The following IPMK variants were observed in gnomAD, a reference collection of about 807,000 sequenced individuals.
The protein encoded by IPMK is inositol polyphosphate multikinase.
Under a neutral mutation model 45.8 loss-of-function variants are expected in IPMK, and 17 were observed. The ratio of observed to expected loss-of-function variants is 0.37; its 90% CI spans 0.25 to 0.56. The LOEUF (loss-of-function observed/expected upper bound fraction) is 0.56, where lower values mean the gene tolerates loss of function less well. Ranked by LOEUF, IPMK falls within the 20% of genes least tolerant of loss-of-function variation. The pLI is 0.79. For missense variants in IPMK, 399 were observed against 498.0 expected (o/e 0.80, Z 1.89); for synonymous variants, 180 against 184.3 (o/e 0.98, Z 0.19).
In IPMK at chr10:58,259,724, C is replaced by T. The variant is rs955083245; in HGVS notation, c.190+7698G>A. On this transcript the variant is annotated intron_variant, in intron 1 of 5. Coordinates refer to ENST00000373935, the MANE Select transcript of IPMK (RefSeq NM_152230.5). ...GCATGGTGGTGCATGCCTATAGTCC[C>T]GGCTACTCAGGAGGCTTCGGTGGGA... is the stretch of plus-strand genomic sequence containing the variant. Among the ~76,000 whole-genome samples the T allele has an allele frequency of 5.4e-5, 8 of 147,808 alleles. No homozygotes were observed. The South Asian group carries it at 1.3e-3, about 24-fold the overall frequency.
intron 4 of IPMK, among the ~76,000 whole-genome samples, chr10:58,215,270 C>A (rs1025885601): frequency 6.6e-5 from 10 of 152,142 alleles, no homozygotes; most frequent in African/African-American, 2.4e-4. Context: ...AGAAGGAACC[C>A]TAAATAAGAT....
At chr10:58,252,891 C>T (rs1301361624) in intron 1 of IPMK, among the ~76,000 whole-genome samples, 1 of 152,066 alleles carries the variant, frequency 6.6e-6, no homozygotes, top group Non-Finnish European at 1.5e-5. Context: ...GGATTACAGG[C>T]ATGAGCCACT....
intron 1 of IPMK, among the ~76,000 whole-genome samples, chr10:58,265,494 A>G (rs890493131): frequency 6.6e-6 from 1 of 152,190 alleles, no homozygotes; most frequent in Non-Finnish European, 1.5e-5. Flanking sequence ...TCCATTTTAC[A>G]AATAGGGAAT....
chr10:58,233,097 T>C (rs1192823748), intron 2 of IPMK, among the ~76,000 whole-genome samples: 1 of 152,156 alleles, frequency 6.6e-6, no homozygotes, highest in Non-Finnish European at 1.5e-5. Flanking sequence ...CATGGACATA[T>C]ACACCCTGCT....
Position 58,216,308 on chromosome 10 carries a change from A to G in IPMK, c.383T>C (p.Leu128Pro). The change falls in exon 4 of 6, where the codon CTA becomes CCA. Residue 128 changes from leucine to proline, a missense_variant. Physicochemically the swap from Leu to Pro is moderately conservative, Grantham distance 98. Transcript: ENST00000373935. The part of the protein sequence containing the change: ...SPPTAPNDLY[L>P]KLEDVTHKFN... ...TTTATGGGTCACATCTTCCAGTTTTAGGTATAAATCTGTTATTAAAGAAAA... is the reference window on the plus strand; with the variant it reads ...TTTATGGGTCACATCTTCCAGTTTTGGGTATAAATCTGTTATTAAAGAAAA... The G allele has an allele frequency of 6.5e-7, 1 of 1,537,746 alleles. No individual in the cohort carries two copies. The highest frequency in any genetic ancestry group is 8.8e-7 in the Non-Finnish European group (1 of 1,132,480).
intron 2 of IPMK, among the ~76,000 whole-genome samples, chr10:58,233,678 AAG>A (rs1838562537): frequency 6.6e-6 from 1 of 152,184 alleles, no homozygotes; most frequent in African/African-American, 2.4e-5. Context: ...TCAAAATAAT[AAG>A]AGCTATTTAT....
At chr10:58,252,848 G>A (rs957080761) in intron 1 of IPMK, among the ~76,000 whole-genome samples, 2 of 151,920 alleles carry the variant, frequency 1.3e-5, no homozygotes, top group Admixed American at 1.3e-4. Flanking sequence ...CTGACTTCAG[G>A]TGATCCACCC....
chr10:58,258,459 T>C (rs1839007151), intron 1 of IPMK, among the ~76,000 whole-genome samples: 1 of 152,126 alleles, frequency 6.6e-6, no homozygotes, highest in Non-Finnish European at 1.5e-5. Context: ...TTTACCAAGA[T>C]TGAGTATGTG....
At chr10:58,255,248 T>C (rs769260618) in intron 1 of IPMK, among the ~76,000 whole-genome samples, 10 of 152,210 alleles carry the variant, frequency 6.6e-5, no homozygotes, top group Non-Finnish European at 1.3e-4. Context: ...TACACTCCAG[T>C]TGGTTCAGCC....
intron 1 of IPMK, among the ~76,000 whole-genome samples, chr10:58,242,717 C>A (rs1226576323): frequency 6.6e-6 from 1 of 152,020 alleles, no homozygotes; most frequent in Non-Finnish European, 1.5e-5. Context: ...GAAAGCATCC[C>A]AGATCTATAG....
At chr10:58,247,234 G>C (rs1243550135) in intron 1 of IPMK, among the ~76,000 whole-genome samples, 2 of 149,234 alleles carry the variant, frequency 1.3e-5, no homozygotes, top group East Asian at 1.9e-4. Flanking sequence ...AACCATTGTG[G>C]AAGTCAGTGT....
At chr10:58,219,081 C>T (rs1355762751) in intron 3 of IPMK, among the ~76,000 whole-genome samples, 1 of 152,170 alleles carries the variant, frequency 6.6e-6, no homozygotes, top group Non-Finnish European at 1.5e-5. Flanking sequence ...TCTTATGTTT[C>T]ATATGGTTGG....
intron 1 of IPMK, among the ~76,000 whole-genome samples, chr10:58,262,107 T>C (rs1396648466): frequency 2.6e-5 from 4 of 151,230 alleles, no homozygotes; most frequent in African/African-American, 9.7e-5. Context: ...GTTGGGGGGA[T>C]GGGGGAGGGA....
intron 1 of IPMK, among the ~76,000 whole-genome samples, chr10:58,245,336 G>C (rs976482680): frequency 6.6e-6 from 1 of 151,976 alleles, no homozygotes. Context: ...AAGTAGGCTA[G>C]AAAATAATGG....
At chr10:58,240,512 G>A (rs560058513) in intron 1 of IPMK, among the ~76,000 whole-genome samples, 140 of 152,052 alleles carry the variant, frequency 9.2e-4, no homozygotes, top group Middle Eastern at 3.4e-3. Context: ...TTCCACCTAG[G>A]ATATAGAAAG....
intron 1 of IPMK, among the ~76,000 whole-genome samples, chr10:58,266,936 C>T (rs950086454): frequency 1.3e-5 from 2 of 152,152 alleles, no homozygotes; most frequent in African/African-American, 2.4e-5. Flanking sequence ...CTCACCTCCC[C>T]CTAAAAAAGC....
chr10:58,206,605 C>A (rs764637045), intron 4 of IPMK, among the ~76,000 whole-genome samples: 2 of 152,110 alleles, frequency 1.3e-5, no homozygotes, highest in Non-Finnish European at 2.9e-5. Context: ...AAAGGTAATG[C>A]AAACCCAAAG....
chr10:58,236,103 T>C (rs966369885), intron 2 of IPMK, among the ~76,000 whole-genome samples: 1 of 151,660 alleles, frequency 6.6e-6, no homozygotes, highest in African/African-American at 2.4e-5. Context: ...TTAATTCTTT[T>C]TTTTTTTGGT....
chr10:58,253,508 T>C (rs1370248900), intron 1 of IPMK, among the ~76,000 whole-genome samples: 1 of 152,032 alleles, frequency 6.6e-6, no homozygotes, highest in Non-Finnish European at 1.5e-5. Context: ...GCAGGCAGAC[T>C]GCCTGAGCTC....
Sources: gnomAD v4.1 joint callset for allele counts (sites outside exome capture counted in the v4.1 genomes callset) on GRCh38, gnomAD v4.1.1 for gene constraint, MANE v1.5 for transcripts, NCBI Gene and HGNC (gene_info 2026-07-23, HGNC 2026-07-21) for gene names.